EFEMP1: variants seen among roughly 807,000 people sequenced by gnomAD.
EFEMP1 encodes EGF-like fibulin extracellular matrix protein 1, also known as EGF-containing fibulin-like extracellular matrix protein 1.
A neutral mutation model predicts 65.7 loss-of-function variants in EFEMP1; 18 were observed. That is an observed-to-expected ratio of 0.27 (90% CI 0.19 to 0.41). EFEMP1 has a LOEUF of 0.41. Among genes scored for constraint, EFEMP1 ranks in the 10% least tolerant of loss-of-function variants. The pLI is 1.00. For missense variants in EFEMP1, 469 were observed against 624.8 expected (o/e 0.75, Z 2.66); for synonymous variants, 237 against 219.7 (o/e 1.08, Z -0.70).
In EFEMP1 at chr2:55,871,268, G is replaced by T; in HGVS notation, c.1001-145C>A. On this transcript the variant is annotated intron_variant, in intron 9 of 11. Transcript: ENST00000355426. This position sits in a 1 kb window ranked among gnomAD's most constrained non-coding sequence, Gnocchi z 4.2. ...CAACCTGCTTTTAGACACAAGACTG[G>T]GTGTTCATTGTATTGAATTCAGGAC... The T allele has an allele frequency of 9.2e-7, 1 of 1,086,006 alleles. No individual in the cohort carries two copies. The highest frequency in any genetic ancestry group is 1.4e-6 in the Non-Finnish European group (1 of 733,336). 67.3% of individuals were successfully genotyped at this position (1,086,006 alleles called of 1,614,324 possible). A position where few individuals can be genotyped will look rare whatever the true frequency, so the allele number is the denominator to read the frequency against.
chr2:55,870,869 G>T lies in EFEMP1; in HGVS notation c.1171C>A (p.Gln391Lys). ...VSNAMCRELP[Q>K]SIVYKYMSIR... ...CTCATGTATTTGTAGACTATTGACTGGGGCAGTTCTCGGCACATGGCATTT... is the reference window on the plus strand; with the variant it reads ...CTCATGTATTTGTAGACTATTGACTTGGGCAGTTCTCGGCACATGGCATTT... The change falls in exon 11 of 12, where the codon CAG (glutamine) becomes AAG (lysine). Residue 391 changes from glutamine (Q) to lysine (K), a missense_variant. Physicochemically the swap from Gln to Lys is moderately conservative, Grantham distance 53 (BLOSUM62 1). Around this residue, in one of 3 missense-constraint regions of EFEMP1, gnomAD observed 399 missense variants for 528.2 expected, o/e 0.76. Coordinates refer to ENST00000355426, the MANE Select transcript of EFEMP1 (RefSeq NM_001039348.3). This position sits in a 1 kb window ranked among gnomAD's most constrained non-coding sequence, Gnocchi z 5.8. 1 of 1,613,764 alleles carries T rather than the reference G, an allele frequency of 6.2e-7. No individual in the cohort carries two copies. Among genetic ancestry groups the T allele is most frequent in the South Asian group, 1.1e-5 (1 of 91,066 alleles).
chr2:55,922,564 A>G lies in EFEMP1; in HGVS notation c.-7-117T>C. 4.3e-6 allele frequency: 4 copies of G among 920,660 alleles called. No homozygotes were observed. The highest frequency in any genetic ancestry group is 7.0e-6 in the Non-Finnish European group (4 of 574,994). 57.0% of individuals were successfully genotyped at this position (920,660 alleles called of 1,614,324 possible). A position where few individuals can be genotyped will look rare whatever the true frequency, so the allele number is the denominator to read the frequency against. On this transcript the variant is annotated intron_variant, in intron 2 of 11. Transcript: ENST00000355426. The surrounding 1 kb of genome is among the most constrained non-coding windows in gnomAD (Gnocchi z 5.5). ...GTGGGAGAGGCTGAGGCTCCACCAT[A>G]CTCAACTTCCAATCTGCTTTCTCAT...
At chr2:55,905,780 A>G (rs1168412961) in intron 5 of EFEMP1, among the ~76,000 whole-genome samples, 2 of 152,170 alleles carry the variant, frequency 1.3e-5, no homozygotes, top group Non-Finnish European at 2.9e-5. Flanking sequence ...AAGCTCTATT[A>G]GAATCCTAAT....
At chr2:55,891,807 G>A (rs184293393) in intron 5 of EFEMP1, among the ~76,000 whole-genome samples, 60 of 152,166 alleles carry the variant, frequency 3.9e-4, no homozygotes, top group Non-Finnish European at 5.4e-4. Context: ...AGATTATTCC[G>A]TGATCAAAAT....
intron 5 of EFEMP1, among the ~76,000 whole-genome samples, chr2:55,914,384 A>G (rs1670596775): frequency 6.6e-6 from 1 of 152,224 alleles, no homozygotes; most frequent in Non-Finnish European, 1.5e-5. Flanking sequence ...TTTTTGTACA[A>G]AACTGAAAAC....
intron 5 of EFEMP1, among the ~76,000 whole-genome samples, chr2:55,889,518 T>G (rs901509427): frequency 3.3e-5 from 5 of 152,212 alleles, no homozygotes; most frequent in Admixed American, 6.5e-5. Flanking sequence ...CACTAAATTC[T>G]TTTTTCTGTT....
chr2:55,872,233 T>C (rs1325752784), intron 9 of EFEMP1, among the ~76,000 whole-genome samples: 4 of 152,164 alleles, frequency 2.6e-5, no homozygotes, highest in Non-Finnish European at 5.9e-5. Flanking sequence ...ACTCATTCCA[T>C]AAGTAATTTA....
chr2:55,912,355 G>A (rs548022281), intron 5 of EFEMP1, among the ~76,000 whole-genome samples: 1 of 152,254 alleles, frequency 6.6e-6, no homozygotes, highest in East Asian at 1.9e-4. Flanking sequence ...AAAGCTGTTT[G>A]GTAATGACAA....
At chr2:55,884,992 T>G (rs1669374180) in intron 5 of EFEMP1, among the ~76,000 whole-genome samples, 1 of 152,156 alleles carries the variant, frequency 6.6e-6, no homozygotes, top group Admixed American at 6.6e-5. Flanking sequence ...TCAGGAAAAG[T>G]AGGATCAGTG....
intron 5 of EFEMP1, among the ~76,000 whole-genome samples, chr2:55,903,086 G>A (rs1670105047): frequency 6.6e-6 from 1 of 152,140 alleles, no homozygotes; most frequent in South Asian, 2.1e-4. Context: ...AGTCATTTAG[G>A]GGAAGACCCA....
chr2:55,876,940 T>A (rs1213965220), intron 7 of EFEMP1, among the ~76,000 whole-genome samples, 198 bp from the exon 8 acceptor site: 1 of 152,084 alleles, frequency 6.6e-6, no homozygotes, highest in East Asian at 1.9e-4. Flanking sequence ...TTGGAACAAC[T>A]ACAAACGTCT....
At position 55,881,600 on chromosome 2, in the gene EFEMP1, T is replaced by C. The variant is rs768303270; in HGVS notation, c.640+12A>G. On this transcript the variant is annotated intron_variant, in intron 6 of 11. Transcript: ENST00000355426. ...CAAGACAGGACCGTGCTCACTGCAC[T>C]GTGGTACTTACCTACGCACTGCTCC... 3 of 1,613,354 alleles carry C rather than the reference T, an allele frequency of 1.9e-6. No individual in the cohort carries two copies. The South Asian group carries it at 3.3e-5, about 18-fold the overall frequency.
chr2:55,907,116 C>T (rs550483669), intron 5 of EFEMP1, among the ~76,000 whole-genome samples: 13 of 152,302 alleles, frequency 8.5e-5, no homozygotes, highest in Middle Eastern at 3.4e-3. Flanking sequence ...AAAGCAGTTT[C>T]CAGTGTTAAT....
In EFEMP1 at chr2:55,877,751, C is replaced by T; in HGVS notation, c.755G>A (p.Cys252Tyr). The change falls in exon 7 of 12, where the codon TGC (cysteine) becomes TAC (tyrosine). Residue 252 changes from cysteine to tyrosine, a missense_variant. Physicochemically the swap from Cys to Tyr is radical, Grantham distance 194 (BLOSUM62 -2). Transcript: ENST00000355426. This position sits in a 1 kb window ranked among gnomAD's most constrained non-coding sequence, Gnocchi z 4.5. ...CAAGTTCTCAAAAGGCTTACCTACG[C>T]AGGTATAGTTGTTTGCTGCCAATTG... ...GFQLAANNYT[C>Y]VDINECDASN... The T allele has an allele frequency of 6.2e-7, 1 of 1,613,022 alleles. No homozygotes were observed.
intron 5 of EFEMP1, among the ~76,000 whole-genome samples, chr2:55,891,127 A>G (rs1183029235): frequency 6.6e-6 from 1 of 152,036 alleles, no homozygotes; most frequent in East Asian, 1.9e-4. Flanking sequence ...TTGACCATGT[A>G]TTTCCAAAAA....
chr2:55,902,023 G>T (rs991010686), intron 5 of EFEMP1, among the ~76,000 whole-genome samples: 1 of 152,166 alleles, frequency 6.6e-6, no homozygotes, highest in Non-Finnish European at 1.5e-5. Flanking sequence ...CTAGGGAGTG[G>T]ATCTTTTCCA....
In EFEMP1 at chr2:55,917,943, T is replaced by C. The variant is rs750074607; in HGVS notation, c.239A>G (p.Asn80Ser). 4 of 1,614,220 alleles carry C rather than the reference T, an allele frequency of 2.5e-6. No homozygotes were observed. The highest frequency in any genetic ancestry group is 3.4e-6 in the Non-Finnish European group (4 of 1,180,036). The change falls in exon 5 of 12, where the codon AAT becomes AGT. Residue 80 changes from asparagine to serine, a missense_variant. By Grantham distance (46) the Asn-to-Ser change is conservative. This residue lies in a region of EFEMP1 where 399 missense variants were observed against 528.2 expected (regional missense o/e 0.76). Coordinates refer to ENST00000355426, the MANE Select transcript of EFEMP1 (RefSeq NM_001039348.3). This position sits in a 1 kb window ranked among gnomAD's most constrained non-coding sequence, Gnocchi z 6.3. The part of the protein sequence containing the change: ...CLPKTAQIIV[N>S]NEQPQQETQP... ...TGTTTCCTGCTGAGGCTGTTCATTA[T>C]TGACAATAATCTGGGCTGTTTTCGG...
intron 5 of EFEMP1, among the ~76,000 whole-genome samples, chr2:55,887,900 A>C (rs993555323): frequency 6.6e-6 from 1 of 152,198 alleles, no homozygotes; most frequent in Non-Finnish European, 1.5e-5. Flanking sequence ...GAAAAAAATC[A>C]TGCTACTTCG....
chr2:55,922,991 A>T lies in EFEMP1; in HGVS notation c.-48-52T>A. The T allele has an allele frequency of 1.0e-6, 1 of 1,003,856 alleles. No individual in the cohort carries two copies. Among genetic ancestry groups the T allele is most frequent in the African/African-American group, 1.7e-5 (1 of 57,714 alleles). 62.2% of individuals were successfully genotyped at this position (1,003,856 alleles called of 1,614,324 possible). A position where few individuals can be genotyped will look rare whatever the true frequency, so the allele number is the denominator to read the frequency against. ...CCTCAAGCTTTTTATTTTTTAAACAAAATAACAAAACAAAACTCGGAGAGC... is the reference window on the plus strand; with the variant it reads ...CCTCAAGCTTTTTATTTTTTAAACATAATAACAAAACAAAACTCGGAGAGC... On this transcript the variant is annotated intron_variant, in intron 1 of 11. Coordinates refer to ENST00000355426, the MANE Select transcript of EFEMP1 (RefSeq NM_001039348.3). This position sits in a 1 kb window ranked among gnomAD's most constrained non-coding sequence, Gnocchi z 5.5.
Sources: gnomAD v4.1 joint callset for allele counts (sites outside exome capture counted in the v4.1 genomes callset) on GRCh38, gnomAD v4.1.1 for gene constraint, gnomAD v4.1.1 regional missense constraint, Gnocchi (gnomAD v3.1) non-coding constraint, MANE v1.5 for transcripts, NCBI Gene and HGNC (gene_info 2026-07-23, HGNC 2026-07-21) for gene names.